The following LPXN variants were observed in gnomAD, a reference collection of about 807,000 sequenced individuals.
LPXN encodes leupaxin.
Under a neutral mutation model 45.6 loss-of-function variants are expected in LPXN, and 28 were observed. The observed-to-expected ratio is 0.61, with a 90% CI of 0.45 to 0.84. The LOEUF (loss-of-function observed/expected upper bound fraction) is 0.84, where lower values mean the gene tolerates loss of function less well. Ranked by LOEUF, LPXN falls within the 40% of genes least tolerant of loss-of-function variation. LPXN has a pLI of 0.00. For missense variants in LPXN, 459 were observed against 475.0 expected (o/e 0.97, Z 0.31); for synonymous variants, 166 against 169.9 (o/e 0.98, Z 0.18).
intron 7 of LPXN, among the ~76,000 whole-genome samples, chr11:58,528,615 T>C (rs2120164566): frequency 6.6e-6 from 1 of 152,322 alleles, no homozygotes; most frequent in Admixed American, 6.5e-5. Context: ...AAAATCATCT[T>C]TGTGGGCTGT....
chr11:58,577,913 C>A, upstream of LPXN: 1 of 1,280,710 alleles, frequency 7.8e-7, no homozygotes, highest in Non-Finnish European at 1.1e-6. Flanking sequence ...GATTAAGAGC[C>A]AACTGAGTAG....
chr11:58,569,554 C>T (rs529272746), intron 2 of LPXN, among the ~76,000 whole-genome samples: 166 of 151,972 alleles, frequency 1.1e-3, no homozygotes, highest in Admixed American at 2.4e-3. Context: ...ACACCCTGCT[C>T]ATTTTTTAAT....
chr11:58,551,320 T>C (rs1854046300), intron 4 of LPXN, 88 bp from the exon 5 acceptor site: 4 of 1,118,010 alleles, frequency 3.6e-6, no homozygotes, highest in Middle Eastern at 2.1e-4. Flanking sequence ...TCACCTCTAC[T>C]GACTGATCTC....
At chr11:58,567,225 C>G (rs1854551915) in intron 2 of LPXN, among the ~76,000 whole-genome samples, 1 of 152,130 alleles carries the variant, frequency 6.6e-6, no homozygotes, top group South Asian at 2.1e-4. Flanking sequence ...TATTCATATT[C>G]TTACAACAAA....
Position 58,527,636 on chromosome 11 carries a change from T to C in LPXN, c.979A>G (p.Thr327Ala). 2 of 1,614,152 alleles carry C rather than the reference T, an allele frequency of 1.2e-6. No homozygotes were observed. The highest frequency in any genetic ancestry group is 1.7e-6 in the Non-Finnish European group (2 of 1,180,034). Reference sequence around the variant, plus strand: ...GGCTGCCCACACCCATGGCAGAGCGTTCCCCGGCGGTGATGGTAATGGAGC... The same window carrying C: ...GGCTGCCCACACCCATGGCAGAGCGCTCCCCGGCGGTGATGGTAATGGAGC... ...CELHYHHRRG[T>A]LCHGCGQPIT... is the part of the protein sequence containing the mutation. Residue 327 changes from threonine to alanine, a missense_variant, in exon 9 of 9, where the codon ACG (threonine) becomes GCG (alanine). Physicochemically the swap from Thr to Ala is moderately conservative, Grantham distance 58. Transcript: ENST00000395074.
rs769665004 is a variant in LPXN at position 58,551,208 on chromosome 11, T to C, written c.343A>G (p.Lys115Glu). Residue 115 changes from lysine (K) to glutamate (E), a missense_variant, in exon 5 of 9, where the codon AAG becomes GAG. By Grantham distance (56) the Lys-to-Glu change is moderately conservative. Transcript: ENST00000395074. ...TCCTGCTTGTCTGGTAAGTGCTTCT[T>C]GCCAGCATCTGCTCTCACTGCAACC... ...AKVAVRADAGKKHLPDKQDHK... is the reference protein window; with the variant it reads ...AKVAVRADAGEKHLPDKQDHK... 95 of 1,609,928 alleles carry C rather than the reference T, an allele frequency of 5.9e-5. No homozygotes were observed. The highest frequency in any genetic ancestry group is 7.5e-5 in the Non-Finnish European group (88 of 1,178,242).
intron 2 of LPXN, among the ~76,000 whole-genome samples, chr11:58,565,856 G>A (rs964619347): frequency 2.6e-5 from 4 of 151,924 alleles, no homozygotes; most frequent in Non-Finnish European, 5.9e-5. Context: ...AAATTTGCCA[G>A]GTATGGTGGT....
chr11:58,560,399 C>CT (rs1341105166), intron 3 of LPXN, among the ~76,000 whole-genome samples: 1 of 152,126 alleles, frequency 6.6e-6, no homozygotes, highest in African/African-American at 2.4e-5. Flanking sequence ...AATTTGAAAA[C>CT]TGCAGAGAAA....
upstream of LPXN, among the ~76,000 whole-genome samples, chr11:58,576,919 G>A (rs377742287): frequency 2.0e-4 from 31 of 152,240 alleles, no homozygotes; most frequent in East Asian, 3.7e-3. Flanking sequence ...TGGGACCAGA[G>A]GTGCATCCCA....
chr11:58,527,938 T>C, intron 8 of LPXN, 105 bp downstream of exon 8: 1 of 1,335,558 alleles, frequency 7.5e-7, no homozygotes, highest in Non-Finnish European at 1.0e-6. Flanking sequence ...CGCACATCCA[T>C]TCCTCATTCA....
intron 7 of LPXN, among the ~76,000 whole-genome samples, chr11:58,533,033 G>T (rs1305865546): frequency 6.6e-6 from 1 of 152,110 alleles, no homozygotes; most frequent in African/African-American, 2.4e-5. Context: ...CTTAAGAGCT[G>T]TAACACTCAC....
At chr11:58,527,830 C>T (rs1005331078) in intron 8 of LPXN, 107 bp from the exon 9 acceptor site, 3 of 1,216,348 alleles carry the variant, frequency 2.5e-6, no homozygotes, top group Non-Finnish European at 3.4e-6. Context: ...CTGCCAGCTA[C>T]AGGAATTTCC....
chr11:58,534,907 C>A (rs1853503435), intron 7 of LPXN, among the ~76,000 whole-genome samples: 2 of 152,232 alleles, frequency 1.3e-5, no homozygotes, highest in South Asian at 4.1e-4. Context: ...TACAAATAAA[C>A]TAGAAAATCT....
intron 7 of LPXN, among the ~76,000 whole-genome samples, chr11:58,544,187 G>GT (rs1233253654): frequency 6.6e-6 from 1 of 152,106 alleles, no homozygotes; most frequent in Non-Finnish European, 1.5e-5. Context: ...ACTGAATACC[G>GT]TAAGTCCTAC....
chr11:58,564,883 A>G (rs1370141239), intron 2 of LPXN, among the ~76,000 whole-genome samples: 1 of 152,170 alleles, frequency 6.6e-6, no homozygotes, highest in Non-Finnish European at 1.5e-5. Flanking sequence ...AAGGACTTAT[A>G]TAGGAGGTGG....
chr11:58,533,787 G>A (rs1853467285), intron 7 of LPXN, among the ~76,000 whole-genome samples: 1 of 151,890 alleles, frequency 6.6e-6, no homozygotes, highest in African/African-American at 2.4e-5. Context: ...CATCTCACAT[G>A]CAAAGACACA....
At chr11:58,529,089 A>AT (rs1353812111) in intron 7 of LPXN, among the ~76,000 whole-genome samples, 5 of 152,244 alleles carry the variant, frequency 3.3e-5, no homozygotes, top group Admixed American at 3.3e-4. Context: ...TTAATGATGT[A>AT]TTCCTCTTTA....
intron 7 of LPXN, among the ~76,000 whole-genome samples, chr11:58,540,097 A>G (rs28853379): frequency 0.011 from 1,658 of 152,252 alleles, 38 homozygotes; most frequent in African/African-American, 0.038. Flanking sequence ...CCGAAAACTG[A>G]ACCTAAACCT....
chr11:58,564,258 T>C, intron 2 of LPXN, 57 bp from the exon 3 acceptor site: 2 of 1,187,594 alleles, frequency 1.7e-6, no homozygotes, highest in East Asian at 2.3e-5. Flanking sequence ...TATCAGAATG[T>C]TGAGGCTTAA....
Sources: allele counts gnomAD v4.1 joint callset (sites outside exome capture counted in the v4.1 genomes callset), GRCh38; gene constraint gnomAD v4.1.1; transcripts MANE v1.5; gene names NCBI Gene and HGNC (gene_info 2026-07-23, HGNC 2026-07-21).